Variants in AFDN observed in about 807,000 individuals in gnomAD.
The protein encoded by AFDN is afadin.
Under a neutral mutation model 216.6 loss-of-function variants are expected in AFDN, and 68 were observed. That is an observed-to-expected ratio of 0.31 (90% CI 0.26 to 0.38). The LOEUF is 0.38. Among genes scored for constraint, AFDN ranks in the 10% least tolerant of loss-of-function variants. The pLI, the probability that AFDN is intolerant of heterozygous loss-of-function variation, is 1.00. For synonymous variants in AFDN, 868 were observed against 853.7 expected, an observed-to-expected ratio of 1.02 and a Z score of -0.29; for missense variants, 2,136 against 2,342.0, an observed-to-expected ratio of 0.91 and a Z score of 1.82.
intron 12 of AFDN, among the ~76,000 whole-genome samples, chr6:167,906,714 A>G (rs1024800446): frequency 3.9e-5 from 6 of 152,200 alleles, no homozygotes; most frequent in African/African-American, 1.2e-4. Context: ...CAGTTTCTGT[A>G]CTGAATTCAT....
rs1187648988 is a variant in AFDN, at chr6:167,889,199, A to G, written c.898-16A>G. On this transcript the variant is annotated splice_polypyrimidine_tract_variant and intron_variant, in intron 6 of 33. Coordinates refer to ENST00000683244, the MANE Select transcript of AFDN (RefSeq NM_001386888.1). Reference sequence around the variant, plus strand: ...TACTTTGGCACATTCATAGTTAATTATTTTTGTTTTTTTAGGTTATGCTTC... The same window carrying G: ...TACTTTGGCACATTCATAGTTAATTGTTTTTGTTTTTTTAGGTTATGCTTC... 2 of 1,567,806 alleles carry G rather than the reference A, an allele frequency of 1.3e-6. No individual in the cohort carries two copies. The highest frequency in any genetic ancestry group is 1.8e-6 in the Non-Finnish European group (2 of 1,139,966).
intron 2 of AFDN, 39 bp downstream of exon 2, chr6:167,864,785 T>A (rs764858507): frequency 2.5e-6 from 4 of 1,594,132 alleles, no homozygotes; most frequent in South Asian, 2.2e-5. Flanking sequence ...AGGCATGACC[T>A]GACCTGTGAA....
chr6:167,916,647 C>T (rs1791103824), intron 19 of AFDN, among the ~76,000 whole-genome samples: 1 of 147,444 alleles, frequency 6.8e-6, no homozygotes, highest in South Asian at 2.1e-4. Flanking sequence ...AAACCTAGGA[C>T]TTTTTTTTTT....
chr6:167,844,849 C>CTTTTT lies in AFDN; in HGVS notation c.105+17629_105+17633dup, dbSNP rs67495555. On this transcript the variant is annotated intron_variant, in intron 1 of 33. Transcript: ENST00000683244. ...TTGAGAATGAGCATCCTTTTCTTTT[C>CTTTTT]TTTTTTTTTTTTTTTTTTTTTGGTT... 1.6e-3 allele frequency among the ~76,000 whole-genome samples: 207 copies of CTTTTT among 127,644 alleles called. 2 individuals carry two copies. The highest frequency in any genetic ancestry group is 3.3e-3 in the South Asian group (13 of 3,900). 83.7% of individuals were successfully genotyped at this position (127,644 alleles called of 152,430 possible). A position where few individuals can be genotyped will look rare whatever the true frequency, so the allele number is the denominator to read the frequency against.
chr6:167,969,188 C>T lies in AFDN; in HGVS notation c.5332C>T (p.Arg1778Cys), dbSNP rs529414934. The T allele has an allele frequency of 9.3e-6, 15 of 1,613,426 alleles. No individual in the cohort carries two copies. Among genetic ancestry groups the T allele is most frequent in the Non-Finnish European group, 1.2e-5 (14 of 1,179,436 alleles). The change falls in exon 33 of 34, where the codon CGC (arginine) becomes TGC (cysteine). Residue 1778 changes from arginine (R) to cysteine (C), a missense_variant. By Grantham distance (180) the Arg-to-Cys change is radical. Transcript: ENST00000683244. ...CGCCTGTCGGGATGCAAAAGAGAAG[C>T]GCTCTAAAAGGTATGGACGGTTGCA... The part of the protein sequence containing the change: ...HDACRDAKEK[R>C]SKSQDADSPG...
intron 1 of AFDN, among the ~76,000 whole-genome samples, chr6:167,844,569 A>G (rs781534907): frequency 6.6e-6 from 1 of 152,160 alleles, no homozygotes; most frequent in Non-Finnish European, 1.5e-5. Context: ...TTTTATACAC[A>G]TATCTTTCTA....
At chr6:167,920,854 G>C (rs1008456) in intron 21 of AFDN, among the ~76,000 whole-genome samples, 70,724 of 152,012 alleles carry the variant, frequency 0.47, 17,116 homozygotes, top group East Asian at 0.8. Flanking sequence ...GTCCTTTTAT[G>C]TGGAAAACCT....
At position 167,923,139 on chromosome 6, in the gene AFDN, A is replaced by G. The variant is rs181837617; in HGVS notation, c.3012+180A>G. The stretch of plus-strand genomic sequence containing the variant: ...TCATATATATGTATTTTTTCCTCCC[A>G]AGCCATGTCTATTACAGTTTTGTCT... On this transcript the variant is annotated intron_variant, in intron 22 of 33. Coordinates refer to ENST00000683244, the MANE Select transcript of AFDN (RefSeq NM_001386888.1). 9.7e-6 allele frequency: 5 copies of G among 513,132 alleles called. No homozygotes were observed. In the Admixed American group the frequency reaches 1.9e-4, roughly 19 times the overall value. The allele number at this position is 513,132 out of a possible 1,614,324, so 31.8% of individuals were successfully genotyped here. A position where few individuals can be genotyped will look rare whatever the true frequency, so the allele number is the denominator to read the frequency against.
Position 167,950,392 on chromosome 6 carries a change from CTGTGTCTGTGTGTG to C in AFDN, c.3832-788_3832-775del, listed in dbSNP as rs1204875042. Among the ~76,000 whole-genome samples, 123 of 139,266 alleles carry C rather than the reference CTGTGTCTGTGTGTG, an allele frequency of 8.8e-4. 9 individuals carry two copies. Among genetic ancestry groups the C allele is most frequent in the Non-Finnish European group, 1.6e-5 (1 of 62,500 alleles). 91.4% of individuals were successfully genotyped at this position (139,266 alleles called of 152,430 possible). A position where few individuals can be genotyped will look rare whatever the true frequency, so the allele number is the denominator to read the frequency against. ...TTGGAAAAAGTATACTCATTTTTCT[CTGTGTCTGTGTGTG>C]TGTGTGTGTGTGTGTGTCATTTCTC... On this transcript the variant is annotated intron_variant, in intron 29 of 33. Coordinates refer to ENST00000683244, the MANE Select transcript of AFDN (RefSeq NM_001386888.1).
chr6:167,897,649 T>TTTTTTTG, intron 10 of AFDN, among the ~76,000 whole-genome samples: 1 of 72,224 alleles, frequency 1.4e-5, no homozygotes, highest in South Asian at 6.4e-4. Context: ...TGCCTTTTTT[T>TTTTTTTG]TTTTTTTTTT....
intron 1 of AFDN, 50 bp from the exon 2 acceptor site, chr6:167,864,501 C>T (rs1373411937): frequency 6.6e-7 from 1 of 1,510,126 alleles, no homozygotes; most frequent in Non-Finnish European, 9.2e-7. Context: ...AAAAGTGAAT[C>T]CTTTTCAGAA....
intron 12 of AFDN, among the ~76,000 whole-genome samples, chr6:167,905,157 G>T (rs1486998986): frequency 6.6e-6 from 1 of 152,174 alleles, no homozygotes; most frequent in Non-Finnish European, 1.5e-5. Context: ...TTGTCCCTGA[G>T]CATCCTGTCA....
Position 167,887,443 on chromosome 6 carries a change from C to CT in AFDN, c.898-1757dup, listed in dbSNP as rs1233534960. Among the ~76,000 whole-genome samples, 970 of 125,942 alleles carry CT rather than the reference C, an allele frequency of 7.7e-3. 6 individuals are homozygous for CT. Among genetic ancestry groups the CT allele is most frequent in the African/African-American group, 0.02 (669 of 33,802 alleles). 82.6% of individuals were successfully genotyped at this position (125,942 alleles called of 152,430 possible). ...GAAATTCTTTATCTTCTCAGCTTGC[C>CT]TTTTTTTTTTTTTTTCTTTTTTTCC... On this transcript the variant is annotated intron_variant, in intron 6 of 33. Coordinates refer to ENST00000683244, the MANE Select transcript of AFDN (RefSeq NM_001386888.1).
chr6:167,903,131 C>A (rs537982058), intron 12 of AFDN, among the ~76,000 whole-genome samples: 1 of 152,340 alleles, frequency 6.6e-6, no homozygotes, highest in African/African-American at 2.4e-5. Context: ...CTGGAATAAT[C>A]AGTTCATTTC....
Position 167,914,577 on chromosome 6 carries a change from G to T in AFDN, c.2205-67G>T. 4 of 1,190,620 alleles carry T rather than the reference G, an allele frequency of 3.4e-6. No homozygotes were observed. The South Asian group carries it at 3.8e-5, about 11-fold the overall frequency. 73.8% of individuals were successfully genotyped at this position (1,190,620 alleles called of 1,614,324 possible). On this transcript the variant is annotated intron_variant, in intron 17 of 33. Transcript: ENST00000683244. ...TTTAAGAGTCCAGATTGTTTCCCATGTGATAACATGTCTGACAATAGCTGT... is the reference window on the plus strand; with the variant it reads ...TTTAAGAGTCCAGATTGTTTCCCATTTGATAACATGTCTGACAATAGCTGT...
At chr6:167,960,584 A>G (rs1796938799) in intron 30 of AFDN, among the ~76,000 whole-genome samples, 1 of 152,080 alleles carries the variant, frequency 6.6e-6, no homozygotes, top group Non-Finnish European at 1.5e-5. Context: ...TTTACATTCT[A>G]CCCTAATTAC....
Position 167,951,799 on chromosome 6 carries a change from A to T in AFDN, c.4445A>T (p.Glu1482Val). 1.2e-6 allele frequency: 2 copies of T among 1,614,156 alleles called. No homozygotes were observed. Among genetic ancestry groups the T allele is most frequent in the Non-Finnish European group, 1.7e-6 (2 of 1,180,036 alleles). Reference sequence around the variant, plus strand: ...CCTTCCACACTCCAGCGGCCACAGGAAACAGTCATTCGGGAGCTGCAGCCT... The same window carrying T: ...CCTTCCACACTCCAGCGGCCACAGGTAACAGTCATTCGGGAGCTGCAGCCT... ...EKPSTLQRPQ[E>V]TVIRELQPQQ... is the part of the protein sequence containing the mutation. The change falls in exon 30 of 34, where the codon GAA becomes GTA. Residue 1482 changes from glutamate to valine, a missense_variant. Coordinates refer to ENST00000683244, the MANE Select transcript of AFDN (RefSeq NM_001386888.1). The surrounding 1 kb of genome is among the most constrained non-coding windows in gnomAD (Gnocchi z 7.1).
intron 2 of AFDN, among the ~76,000 whole-genome samples, chr6:167,867,225 C>G (rs867541101): frequency 6.6e-6 from 1 of 152,072 alleles, no homozygotes; most frequent in Non-Finnish European, 1.5e-5. Flanking sequence ...GGATTTTCAT[C>G]TAGTAAAAAT....
intron 31 of AFDN, chr6:167,964,304 C>G (rs1797318788): frequency 9.4e-7 from 1 of 1,063,924 alleles, no homozygotes; most frequent in Non-Finnish European, 1.1e-6. Context: ...TGTATCTGCT[C>G]TTGGTATAAC....
Sources: allele counts gnomAD v4.1 joint callset (sites outside exome capture counted in the v4.1 genomes callset), GRCh38; gene constraint gnomAD v4.1.1; non-coding constraint Gnocchi (gnomAD v3.1); transcripts MANE v1.5; gene names NCBI Gene and HGNC (gene_info 2026-07-23, HGNC 2026-07-21).